NYAP2: variants seen among roughly 807,000 people sequenced by gnomAD.
NYAP2 encodes the protein neuronal tyrosine-phosphorylated phosphoinositide-3-kinase adapter 2.
In NYAP2, 23 loss-of-function variants were observed where a neutral mutation model predicts 50.4. The observed-to-expected ratio is 0.46, with a 90% CI of 0.33 to 0.65. The LOEUF is 0.65. Among genes scored for constraint, NYAP2 ranks in the 30% least tolerant of loss-of-function variants. NYAP2 has a pLI of 0.02. For missense variants in NYAP2, 885 were observed against 861.0 expected (o/e 1.03, Z -0.35); for synonymous variants, 394 against 365.2 (o/e 1.08, Z -0.90).
At chr2:225,614,780 G>A (rs1291058536) in intron 5 of NYAP2, among the ~76,000 whole-genome samples, 1 of 152,202 alleles carries the variant, frequency 6.6e-6, no homozygotes, top group Non-Finnish European at 1.5e-5. Flanking sequence ...AGTGCTACAT[G>A]AATTTATAAT....
chr2:225,647,936 G>C (rs1464598354), intron 6 of NYAP2, among the ~76,000 whole-genome samples: 2 of 151,800 alleles, frequency 1.3e-5, no homozygotes, highest in Non-Finnish European at 2.9e-5. Flanking sequence ...TACCAAGAGG[G>C]TAGATCAAAT....
At chr2:225,631,754 G>A (rs1040797331) in intron 6 of NYAP2, among the ~76,000 whole-genome samples, 3 of 152,228 alleles carry the variant, frequency 2.0e-5, no homozygotes, top group African/African-American at 7.2e-5. Flanking sequence ...GCCAAAAATG[G>A]CAAAAATGTA....
intron 3 of NYAP2, among the ~76,000 whole-genome samples, chr2:225,446,246 CTATATATATATATATATATATA>C (rs58633886): frequency 7.3e-5 from 6 of 82,284 alleles, no homozygotes; most frequent in African/African-American, 3.5e-4. Flanking sequence ...CTCTCTCTCT[CTATATATATATATATATATATA>C]TATATATATA....
In NYAP2 at chr2:225,538,151, G is replaced by A. The variant is rs544365133; in HGVS notation, c.523+24479G>A. ...TTTAGTGTCTGCAGTTTTTCCAGGT[G>A]CATGGTGAAAGCTGTCAGTGAATCT... On this transcript the variant is annotated intron_variant, in intron 4 of 6. Transcript: ENST00000636099. Among the ~76,000 whole-genome samples the A allele has an allele frequency of 5.3e-5, 8 of 152,306 alleles. No homozygotes were observed. In the South Asian group the frequency reaches 8.3e-4, roughly 16 times the overall value.
At chr2:225,686,951 C>T in the NYAP2 span, among the ~76,000 whole-genome samples, 1 of 152,124 alleles carries the variant, frequency 6.6e-6, no homozygotes, top group African/African-American at 2.4e-5. Flanking sequence ...AACTTAACAG[C>T]CTTTGTTTGA....
intron 4 of NYAP2, among the ~76,000 whole-genome samples, chr2:225,575,176 T>C (rs1199905844): frequency 1.3e-5 from 2 of 152,096 alleles, no homozygotes; most frequent in East Asian, 1.9e-4. Flanking sequence ...TGCCAATTTT[T>C]CCCCAATATA....
At chr2:225,489,064 T>C (rs1008949033) in intron 3 of NYAP2, among the ~76,000 whole-genome samples, 1 of 152,226 alleles carries the variant, frequency 6.6e-6, no homozygotes, top group African/African-American at 2.4e-5. Context: ...AATGGTCAAC[T>C]GAAATAATAG....
chr2:225,513,621 G>T (rs571315589), exon 4 of NYAP2: 1 of 1,550,198 alleles, frequency 6.5e-7, no homozygotes, highest in African/African-American at 1.4e-5. Flanking sequence ...ATCAGAGACA[G>T]TCAGCAGCAC....
intron 4 of NYAP2, among the ~76,000 whole-genome samples, chr2:225,517,191 A>T (rs1690951636): frequency 6.6e-6 from 1 of 152,228 alleles, no homozygotes; most frequent in South Asian, 2.1e-4. Context: ...ACCTTTAAAA[A>T]TTTATATAGT....
At chr2:225,430,724 T>C (rs1206862207) in intron 3 of NYAP2, among the ~76,000 whole-genome samples, 2 of 151,938 alleles carry the variant, frequency 1.3e-5, no homozygotes, top group Non-Finnish European at 2.9e-5. Flanking sequence ...TATTTTTTTT[T>C]TATTAAAACC....
chr2:225,602,732 A>G (rs1331136944), intron 5 of NYAP2, among the ~76,000 whole-genome samples: 1 of 152,146 alleles, frequency 6.6e-6, no homozygotes. Flanking sequence ...ATCCCAGTGA[A>G]TGATCTTGGC....
intron 3 of NYAP2, among the ~76,000 whole-genome samples, chr2:225,488,431 T>C (rs1341869540): frequency 6.6e-6 from 1 of 152,168 alleles, no homozygotes; most frequent in Admixed American, 6.5e-5. Context: ...TGGAGTGCAG[T>C]GGCATGATCT....
At chr2:225,499,551 G>A (rs1021479904) in intron 3 of NYAP2, among the ~76,000 whole-genome samples, 1 of 151,870 alleles carries the variant, frequency 6.6e-6, no homozygotes, top group Non-Finnish European at 1.5e-5. Context: ...CTCCTGACCC[G>A]GTGACCCGCC....
intron 3 of NYAP2, among the ~76,000 whole-genome samples, chr2:225,411,573 A>C (rs537028175): frequency 6.6e-6 from 1 of 152,174 alleles, no homozygotes; most frequent in Non-Finnish European, 1.5e-5. Context: ...AGATTTCACC[A>C]TCATGAGCCA....
In NYAP2 at chr2:225,500,263, G is replaced by A. The variant is rs1021355484; in HGVS notation, c.222-13108G>A. Among the ~76,000 whole-genome samples, 6 of 152,216 alleles carry A rather than the reference G, an allele frequency of 3.9e-5. No homozygotes were observed. The East Asian group carries it at 7.7e-4, about 20-fold the overall frequency. On this transcript the variant is annotated intron_variant, in intron 3 of 6. Coordinates refer to ENST00000636099, the Ensembl canonical transcript of NYAP2. ...GCAGTCATAAAGAGGTGTGTACTAC[G>A]TGTAACTGCAGAGTTATCTTAAGAA... is the stretch of plus-strand genomic sequence containing the variant.
chr2:225,452,208 T>C (rs1325050882), intron 3 of NYAP2, among the ~76,000 whole-genome samples: 2 of 152,234 alleles, frequency 1.3e-5, no homozygotes, highest in African/African-American at 4.8e-5. Flanking sequence ...GACTAAGTCC[T>C]TTAACTTCTT....
the NYAP2 span, among the ~76,000 whole-genome samples, chr2:225,680,989 C>T: frequency 6.6e-6 from 1 of 152,166 alleles, no homozygotes; most frequent in Admixed American, 6.5e-5. Context: ...CAATATATTT[C>T]CTCACACTCT....
chr2:225,649,463 C>G (rs1372892278), intron 6 of NYAP2, among the ~76,000 whole-genome samples: 6 of 152,184 alleles, frequency 3.9e-5, no homozygotes, highest in Non-Finnish European at 8.8e-5. Context: ...AGTGGATACT[C>G]TGATAAATGA....
At chr2:225,489,860 A>G (rs1316334319) in intron 3 of NYAP2, among the ~76,000 whole-genome samples, 2 of 152,184 alleles carry the variant, frequency 1.3e-5, no homozygotes, top group Non-Finnish European at 2.9e-5. Flanking sequence ...GTGGGGATGG[A>G]TTCCAGCACC....
Sources: allele counts gnomAD v4.1 joint callset (sites outside exome capture counted in the v4.1 genomes callset), GRCh38; gene constraint gnomAD v4.1.1; transcripts MANE v1.5; gene names NCBI Gene and HGNC (gene_info 2026-07-23, HGNC 2026-07-21).